ATG13: variants seen among roughly 807,000 people sequenced by gnomAD.
ATG13 encodes the protein autophagy related 13.
A neutral mutation model predicts 65.5 loss-of-function variants in ATG13; 23 were observed. The ratio of observed to expected loss-of-function variants is 0.35; its 90% CI spans 0.25 to 0.50. ATG13 has a LOEUF of 0.50. ATG13 is among the 20% of genes least tolerant of loss of function. The probability of loss-of-function intolerance (pLI) is 0.98; values close to 1 mark genes in which losing one functional copy is unlikely to be tolerated. For synonymous variants in ATG13, 252 were observed against 245.2 expected, an observed-to-expected ratio of 1.03 and a Z score of -0.26; for missense variants, 566 against 677.0, an observed-to-expected ratio of 0.84 and a Z score of 1.82.
chr11:46,664,922 T>C lies in ATG13; in HGVS notation c.962T>C (p.Val321Ala). 6.2e-7 allele frequency: 1 copy of C among 1,614,020 alleles called. No homozygotes were observed. The highest frequency in any genetic ancestry group is 8.5e-7 in the Non-Finnish European group (1 of 1,179,872). ...VGSADLAYPV[V>A]FAAGLNATHP... ...TCAGCTGACCTGGCTTATCCAGTAGTGTTTGCTGCTGGCTTAAATGCTACA... is the reference window on the plus strand; with the variant it reads ...TCAGCTGACCTGGCTTATCCAGTAGCGTTTGCTGCTGGCTTAAATGCTACA... The change falls in exon 13 of 19, where the codon GTG (valine) becomes GCG (alanine). Residue 321 changes from valine to alanine, a missense_variant. Physicochemically the swap from Val to Ala is moderately conservative, Grantham distance 64 (BLOSUM62 0). This residue lies in a region of ATG13 where 387 missense variants were observed against 409.8 expected (regional missense o/e 0.94). Coordinates refer to ENST00000683050, the MANE Select transcript of ATG13 (RefSeq NM_001346311.2).
intron 5 of ATG13, among the ~76,000 whole-genome samples, chr11:46,648,138 C>G (rs2058109950): frequency 6.6e-6 from 1 of 151,844 alleles, no homozygotes; most frequent in Admixed American, 6.6e-5. Context: ...CTCTGTTGCC[C>G]AGGCTGGAGT....
intron 2 of ATG13, among the ~76,000 whole-genome samples, chr11:46,631,734 T>C (rs763223313): frequency 1.5e-4 from 23 of 151,998 alleles, no homozygotes; most frequent in Non-Finnish European, 2.5e-4. Flanking sequence ...AAAAAATTAG[T>C]TGGGTGTAGT....
At chr11:46,638,052 C>T (rs1565469992) in intron 2 of ATG13, among the ~76,000 whole-genome samples, 1 of 152,260 alleles carries the variant, frequency 6.6e-6, no homozygotes, top group East Asian at 1.9e-4. Context: ...TGTTTTGATG[C>T]ATGTCTAAAT....
chr11:46,626,256 CT>C (rs778300461), intron 1 of ATG13, among the ~76,000 whole-genome samples: 1 of 151,474 alleles, frequency 6.6e-6, no homozygotes, highest in Non-Finnish European at 1.5e-5. Flanking sequence ...CACTTGGCCT[CT>C]TTTGTTTTTT....
chr11:46,642,023 T>C (rs903580215), intron 2 of ATG13, among the ~76,000 whole-genome samples: 2 of 152,062 alleles, frequency 1.3e-5, no homozygotes, highest in African/African-American at 4.8e-5. Context: ...ATCCTGCAAG[T>C]GATCCAACTG....
intron 10 of ATG13, 60 bp downstream of exon 10, chr11:46,657,682 A>C (rs2060312161): frequency 7.1e-7 from 1 of 1,412,436 alleles, no homozygotes; most frequent in South Asian, 1.3e-5. Flanking sequence ...TCCATCCTGC[A>C]CAAGCACATG....
At chr11:46,664,417 GGTGTGATTAGAGAAGAGGACTTTC>G (rs1332803266) in intron 12 of ATG13, among the ~76,000 whole-genome samples, 1 of 152,114 alleles carries the variant, frequency 6.6e-6, no homozygotes, top group African/African-American at 2.4e-5. Context: ...GGTGATGGAG[GGTGTGATTAGAGAAGAGGACTTTC>G]TATGTCAAAG....
intron 1 of ATG13, among the ~76,000 whole-genome samples, chr11:46,628,663 A>C (rs920633313): frequency 4.6e-5 from 7 of 152,210 alleles, no homozygotes; most frequent in Non-Finnish European, 1.0e-4. Context: ...TTAATTGGTT[A>C]ACTGTTCATT....
rs2058364275 is a variant in ATG13 at position 46,649,069 on chromosome 11, A to G, written c.271-68A>G. 25 of 1,361,334 alleles carry G rather than the reference A, an allele frequency of 1.8e-5. No individual in the cohort carries two copies. In the East Asian group the frequency reaches 5.2e-4, roughly 29 times the overall value. 84.3% of individuals were successfully genotyped at this position (1,361,334 alleles called of 1,614,324 possible). On this transcript the variant is annotated intron_variant, in intron 5 of 18. Transcript: ENST00000683050. The stretch of plus-strand genomic sequence containing the variant: ...CTTATCTATACCTTTTAATATTTTT[A>G]TAGTGACTGTAATGCTTTGAAATTA...
At chr11:46,622,278 T>C (rs2047991525) in intron 1 of ATG13, among the ~76,000 whole-genome samples, 1 of 151,246 alleles carries the variant, frequency 6.6e-6, no homozygotes, top group Admixed American at 6.6e-5. Context: ...CTACCATGCC[T>C]GGCTAATTTT....
At chr11:46,633,510 G>T (rs2052736901) in intron 2 of ATG13, among the ~76,000 whole-genome samples, 1 of 151,768 alleles carries the variant, frequency 6.6e-6, no homozygotes, top group Non-Finnish European at 1.5e-5. Flanking sequence ...ACCACGCCCA[G>T]CTAATTTTGT....
At chr11:46,671,552 A>G (rs910921340) in intron 18 of ATG13, among the ~76,000 whole-genome samples, 2 of 152,308 alleles carry the variant, frequency 1.3e-5, no homozygotes, top group African/African-American at 2.4e-5. Context: ...CCTGGGCAAC[A>G]TGGTGAAACC....
chr11:46,632,736 A>G (rs1260044239), intron 2 of ATG13, among the ~76,000 whole-genome samples: 1 of 152,114 alleles, frequency 6.6e-6, no homozygotes, highest in Admixed American at 6.6e-5. Flanking sequence ...GTAGAGAAGG[A>G]TGTGTGAAGT....
chr11:46,662,247 C>T (rs1203848846), intron 11 of ATG13, among the ~76,000 whole-genome samples: 2 of 152,116 alleles, frequency 1.3e-5, no homozygotes, highest in Non-Finnish European at 2.9e-5. Context: ...ATAAGCTCAT[C>T]CCAGCTGTTC....
At chr11:46,648,877 T>C (rs1316764570) in intron 5 of ATG13, 5 of 285,268 alleles carry the variant, frequency 1.8e-5, no homozygotes, top group Non-Finnish European at 3.2e-5. Context: ...GGTGGGATAC[T>C]GTGGAACCAT....
At chr11:46,668,675 G>C in intron 16 of ATG13, 99 bp downstream of exon 16, 2 of 1,503,392 alleles carry the variant, frequency 1.3e-6, no homozygotes, top group East Asian at 2.3e-5. Context: ...ATAAACCATG[G>C]CCCCTCGGCT....
Position 46,623,005 on chromosome 11 carries a change from T to C in ATG13, c.-70+5115T>C, listed in dbSNP as rs1285854152. Among the ~76,000 whole-genome samples, 6 of 152,172 alleles carry C rather than the reference T, an allele frequency of 3.9e-5. No individual in the cohort carries two copies. The East Asian group carries it at 7.7e-4, about 20-fold the overall frequency. ...TCATCATTCTAGCTGTTTGAAAAAG[T>C]GTATTTGGGCCGGGTGCCGTGGCTC... On this transcript the variant is annotated intron_variant, in intron 1 of 18. Coordinates refer to ENST00000683050, the MANE Select transcript of ATG13 (RefSeq NM_001346311.2).
rs779490131 is a variant in ATG13, at chr11:46,664,049, C to CG, written c.844dup (p.Asp282GlyfsTer34). 2 of 1,596,832 alleles carry CG rather than the reference C, an allele frequency of 1.3e-6. No homozygotes were observed. The highest frequency in any genetic ancestry group is 3.3e-5 in the Admixed American group (2 of 59,814). ...TTTCAGACCCCTACTCCTGTGGTGA[C>CG]GGACACCCTGAGGGTCCCCATGGCA... On this transcript the variant is annotated frameshift_variant, in exon 12 of 19. Transcript: ENST00000683050. LOFTEE classifies it high-confidence loss of function.
chr11:46,650,994 CTG>C (rs1285937765), intron 7 of ATG13, among the ~76,000 whole-genome samples: 1 of 152,194 alleles, frequency 6.6e-6, no homozygotes, highest in African/African-American at 2.4e-5. Context: ...GTCTAACAAA[CTG>C]TTAACTCAGT....
Sources: gnomAD v4.1 joint callset for allele counts (sites outside exome capture counted in the v4.1 genomes callset) on GRCh38, gnomAD v4.1.1 for gene constraint, gnomAD v4.1.1 regional missense constraint, MANE v1.5 for transcripts, NCBI Gene and HGNC (gene_info 2026-07-23, HGNC 2026-07-21) for gene names.